The following CSMD1 variants were observed in gnomAD, a reference collection of about 807,000 sequenced individuals.
The protein encoded by CSMD1 is CUB and sushi domain-containing protein 1.
In CSMD1, 213 loss-of-function variants were observed where a neutral mutation model predicts 417.5. The observed-to-expected ratio is 0.51, with a 90% CI of 0.46 to 0.57. The LOEUF (loss-of-function observed/expected upper bound fraction) is 0.57. Ranked by LOEUF, CSMD1 falls within the 20% of genes least tolerant of loss-of-function variation. The pLI, the probability that CSMD1 is intolerant of heterozygous loss-of-function variation, is 0.00. For missense variants in CSMD1, 6,923 were observed against 4,529.7 expected (o/e 1.53, Z -15.17); for synonymous variants, 2,862 against 1,736.8 (o/e 1.65, Z -16.11).
At chr8:4,418,357 C>T (rs1043042240) in intron 3 of CSMD1, among the ~76,000 whole-genome samples, 3 of 152,070 alleles carry the variant, frequency 2.0e-5, no homozygotes, top group African/African-American at 4.8e-5. Context: ...GCCCTATTTT[C>T]TTCATTATAC....
intron 2 of CSMD1, among the ~76,000 whole-genome samples, chr8:4,426,401 T>C (rs562963409): frequency 6.7e-6 from 1 of 149,252 alleles, no homozygotes. Context: ...TAAACCTTTT[T>C]ATATACTATA....
At chr8:4,219,343 C>T (rs980544514) in intron 3 of CSMD1, among the ~76,000 whole-genome samples, 1 of 152,134 alleles carries the variant, frequency 6.6e-6, no homozygotes, top group Non-Finnish European at 1.5e-5. Context: ...GTAACTTGAG[C>T]TGGAATTGGG....
intron 3 of CSMD1, among the ~76,000 whole-genome samples, chr8:4,295,140 A>C (rs1205750048): frequency 6.8e-6 from 1 of 146,420 alleles, no homozygotes; most frequent in African/African-American, 2.5e-5. Flanking sequence ...AAGATTATAT[A>C]ATCTTAAGAT....
At chr8:4,166,760 A>T (rs960414705) in intron 3 of CSMD1, among the ~76,000 whole-genome samples, 10 of 152,230 alleles carry the variant, frequency 6.6e-5, no homozygotes, top group Non-Finnish European at 1.3e-4. Flanking sequence ...TTGAAGCATA[A>T]AAAAAGCAAA....
At chr8:4,398,200 T>G (rs1804390106) in intron 3 of CSMD1, among the ~76,000 whole-genome samples, 2 of 152,178 alleles carry the variant, frequency 1.3e-5, no homozygotes, top group Admixed American at 1.3e-4. Flanking sequence ...GCTGAGAATG[T>G]AGAAGGATGA....
At chr8:4,396,813 G>C (rs1457730317) in intron 3 of CSMD1, among the ~76,000 whole-genome samples, 1 of 152,038 alleles carries the variant, frequency 6.6e-6, no homozygotes, top group Non-Finnish European at 1.5e-5. Flanking sequence ...TCACTTATAA[G>C]AAGTGGGAGC....
intron 1 of CSMD1, among the ~76,000 whole-genome samples, chr8:4,932,203 A>T (rs1410368866): frequency 6.6e-6 from 1 of 152,118 alleles, no homozygotes; most frequent in Non-Finnish European, 1.5e-5. Flanking sequence ...TAAACTTTGA[A>T]TTTGCTCCCT....
intron 10 of CSMD1, among the ~76,000 whole-genome samples, chr8:3,551,641 TGC>T (rs1798920720): frequency 6.7e-6 from 1 of 149,100 alleles, no homozygotes; most frequent in South Asian, 2.1e-4. Flanking sequence ...TTCTTTCCGG[TGC>T]TCATTTAATA....
At chr8:3,314,035 C>G (rs1054918616) in intron 23 of CSMD1, among the ~76,000 whole-genome samples, 8 of 152,028 alleles carry the variant, frequency 5.3e-5, no homozygotes, top group Non-Finnish European at 1.2e-4. Context: ...AAACCAAACA[C>G]CTCATGTTCT....
chr8:3,404,480 A>G (rs1054167577), intron 15 of CSMD1, among the ~76,000 whole-genome samples: 1 of 152,116 alleles, frequency 6.6e-6, no homozygotes, highest in African/African-American at 2.4e-5. Context: ...AATGCTCCAC[A>G]CCTAGACCCC....
intron 3 of CSMD1, among the ~76,000 whole-genome samples, chr8:4,060,705 A>G (rs1387557640): frequency 6.6e-6 from 1 of 152,178 alleles, no homozygotes; most frequent in Non-Finnish European, 1.5e-5. Flanking sequence ...CTGCTCCTCC[A>G]CATGGGAATT....
intron 10 of CSMD1, among the ~76,000 whole-genome samples, chr8:3,572,992 A>G (rs1800005095): frequency 6.6e-6 from 1 of 151,398 alleles, no homozygotes; most frequent in Admixed American, 6.6e-5. Context: ...TCAATAAACT[A>G]GTTATATACT....
chr8:3,618,325 A>G (rs752021389), intron 7 of CSMD1, among the ~76,000 whole-genome samples: 16 of 152,176 alleles, frequency 1.1e-4, no homozygotes, highest in Non-Finnish European at 1.3e-4. Flanking sequence ...TTTTACTACT[A>G]AATGAGAATA....
At chr8:3,496,514 T>G (rs1796371327) in intron 10 of CSMD1, among the ~76,000 whole-genome samples, 2 of 152,206 alleles carry the variant, frequency 1.3e-5, no homozygotes, top group Non-Finnish European at 2.9e-5. Context: ...TAAACTACCC[T>G]CTTAGCACTG....
chr8:3,274,569 C>G (rs528298528), intron 26 of CSMD1, among the ~76,000 whole-genome samples: 4 of 152,020 alleles, frequency 2.6e-5, no homozygotes, highest in African/African-American at 4.8e-5. Context: ...GTCTAAGTCT[C>G]TTTGTAGGTC....
intron 7 of CSMD1, among the ~76,000 whole-genome samples, chr8:3,644,771 G>A (rs899689464): frequency 1.3e-5 from 2 of 151,988 alleles, no homozygotes; most frequent in South Asian, 2.1e-4. Context: ...AATCACAATC[G>A]CTTGTAGAAA....
chr8:3,801,557 T>C (rs79362548), intron 5 of CSMD1, among the ~76,000 whole-genome samples: 20 of 152,062 alleles, frequency 1.3e-4, no homozygotes, highest in Admixed American at 1.0e-3. Flanking sequence ...TGGAAGACAG[T>C]TTTGCAATTC....
At chr8:3,710,917 A>G (rs887278807) in intron 6 of CSMD1, among the ~76,000 whole-genome samples, 2 of 152,148 alleles carry the variant, frequency 1.3e-5, no homozygotes, top group African/African-American at 4.8e-5. Flanking sequence ...GCAGGGCTGC[A>G]GGAGCTGGTC....
intron 1 of CSMD1, among the ~76,000 whole-genome samples, chr8:4,967,424 G>A (rs1022666602): frequency 1.3e-5 from 2 of 152,072 alleles, no homozygotes; most frequent in Admixed American, 6.6e-5. Flanking sequence ...AACTACATTA[G>A]TAAGCACTAC....
Sources: allele counts gnomAD v4.1 joint callset (sites outside exome capture counted in the v4.1 genomes callset), GRCh38; gene constraint gnomAD v4.1.1; transcripts MANE v1.5; gene names NCBI Gene and HGNC (gene_info 2026-07-23, HGNC 2026-07-21).